DPYD: variants seen among roughly 807,000 people sequenced by gnomAD.
DPYD encodes the protein dihydropyrimidine dehydrogenase [NADP(+)].
A neutral mutation model predicts 116.2 loss-of-function variants in DPYD; 109 were observed. That is an observed-to-expected ratio of 0.94 (90% CI 0.80 to 1.10). The LOEUF is 1.10. DPYD is among the 50% of genes least tolerant of loss of function. DPYD has a pLI of 0.00. For missense variants in DPYD, 1,302 were observed against 1,254.5 expected (o/e 1.04, Z -0.57); for synonymous variants, 440 against 432.0 (o/e 1.02, Z -0.23).
At chr1:97,808,527 A>T (rs1668190360) in intron 3 of DPYD, among the ~76,000 whole-genome samples, 1 of 152,062 alleles carries the variant, frequency 6.6e-6, no homozygotes, top group Non-Finnish European at 1.5e-5. Flanking sequence ...TTTTTTGGTC[A>T]ATTTTTAGGA....
At chr1:97,238,720 G>A (rs565231903) in intron 18 of DPYD, among the ~76,000 whole-genome samples, 2 of 152,312 alleles carry the variant, frequency 1.3e-5, no homozygotes, top group East Asian at 3.9e-4. Context: ...GGAGGAAGAA[G>A]CCAGTGTGAG....
chr1:97,760,546 G>T (rs1025770457), intron 3 of DPYD, among the ~76,000 whole-genome samples: 6 of 152,086 alleles, frequency 3.9e-5, no homozygotes, highest in African/African-American at 1.2e-4. Flanking sequence ...TATACAGGAG[G>T]ATGTGGAAGG....
chr1:97,190,136 A>G (rs570404417), intron 20 of DPYD, among the ~76,000 whole-genome samples: 1 of 152,260 alleles, frequency 6.6e-6, no homozygotes, highest in East Asian at 1.9e-4. Flanking sequence ...GCTGTCCTAC[A>G]TGCAGTTTCT....
chr1:97,183,437 C>CT (rs1307581559), intron 20 of DPYD, among the ~76,000 whole-genome samples: 1 of 152,008 alleles, frequency 6.6e-6, no homozygotes, highest in Non-Finnish European at 1.5e-5. Context: ...TATTTCTGGA[C>CT]TTTCTATCCA....
chr1:97,714,025 T>C (rs183534121), intron 5 of DPYD, among the ~76,000 whole-genome samples: 1 of 152,238 alleles, frequency 6.6e-6, no homozygotes, highest in Admixed American at 6.5e-5. Flanking sequence ...ATCTTAGTTA[T>C]AGATTACAAA....
chr1:97,126,922 C>T (rs370791692), intron 20 of DPYD, among the ~76,000 whole-genome samples: 1 of 152,092 alleles, frequency 6.6e-6, no homozygotes, highest in Non-Finnish European at 1.5e-5. Context: ...CTGGGCAGTC[C>T]TTTATTCATT....
At chr1:97,741,808 T>C (rs1443381423) in intron 3 of DPYD, among the ~76,000 whole-genome samples, 2 of 151,984 alleles carry the variant, frequency 1.3e-5, no homozygotes, top group African/African-American at 2.4e-5. Context: ...GGGTGAAATA[T>C]AGCATGCTAA....
chr1:97,314,980 T>C (rs1466259667), intron 16 of DPYD, among the ~76,000 whole-genome samples: 4 of 151,998 alleles, frequency 2.6e-5, no homozygotes, highest in East Asian at 2.0e-4. Flanking sequence ...ATCAAAGAAA[T>C]GGAAGCAGGG....
chr1:97,835,653 G>A lies in DPYD; in HGVS notation c.151-7457C>T, dbSNP rs111942210. ...AATTTCATATTTAAAATTACAATGC[G>A]TTTGTTTGCATAATGTATGGTTATA... On this transcript the variant is annotated intron_variant, in intron 2 of 22. Transcript: ENST00000370192. Among the ~76,000 whole-genome samples, 1,257 of 152,066 alleles carry A rather than the reference G, an allele frequency of 8.3e-3. 15 individuals carry two copies. The highest frequency in any genetic ancestry group is 0.028 in the African/African-American group (1,178 of 41,524).
At position 97,699,507 on chromosome 1, in the gene DPYD, G is replaced by A. The variant is rs371792178; in HGVS notation, c.524C>T (p.Ser175Leu). The A allele has an allele frequency of 4.2e-5, 67 of 1,613,356 alleles. No homozygotes were observed. Among genetic ancestry groups the A allele is most frequent in the South Asian group, 9.9e-5 (9 of 91,046 alleles). Residue 175 changes from serine (S) to leucine (L), a missense_variant, in exon 6 of 23, where the codon TCG becomes TTG. Ser to Leu is a moderately radical substitution (Grantham distance 145). Coordinates refer to ENST00000370192, the MANE Select transcript of DPYD (RefSeq NM_000110.4). The stretch of plus-strand genomic sequence containing the variant: ...AGACATTTTTTCTGGGGGAGGCAGC[G>A]AAGGATTTCTGATCTGTGGGATACT... ...AMSIPQIRNP[S>L]LPPPEKMSEA...
intron 14 of DPYD, among the ~76,000 whole-genome samples, chr1:97,385,296 AAAAAAAAAAAAAAAAAAAAAAAGAG>A (rs1307665206): frequency 1.2e-5 from 1 of 86,068 alleles, no homozygotes; most frequent in Non-Finnish European, 3.2e-5. Context: ...AAAAAAAAAA[AAAAAAAAAAAAAAAAAAAAAAAGAG>A]AGAGAGAGAT....
chr1:97,344,468 G>A (rs1669738968), intron 16 of DPYD, among the ~76,000 whole-genome samples: 1 of 151,456 alleles, frequency 6.6e-6, no homozygotes, highest in Non-Finnish European at 1.5e-5. Flanking sequence ...TAGTAGTGTT[G>A]GTGTCTATTC....
intron 3 of DPYD, among the ~76,000 whole-genome samples, chr1:97,790,064 C>A (rs139438302): frequency 9.3e-4 from 142 of 152,252 alleles, no homozygotes; most frequent in Middle Eastern, 3.4e-3. Context: ...AGGAACAAGT[C>A]TAATGAGGAG....
intron 15 of DPYD, among the ~76,000 whole-genome samples, chr1:97,376,892 T>TATATATATATATATATATATAC (rs1557668504): frequency 1.7e-4 from 25 of 148,168 alleles, no homozygotes; most frequent in Admixed American, 9.7e-4. Context: ...TGTGTGTATA[T>TATATATATATATATATATATAC]ATATATATAT....
intron 8 of DPYD, among the ~76,000 whole-genome samples, chr1:97,619,686 G>T (rs1387895691): frequency 2.0e-5 from 3 of 152,148 alleles, no homozygotes; most frequent in Admixed American, 2.0e-4. Flanking sequence ...AAAAATGTTA[G>T]TTTTTTCCTT....
chr1:97,730,348 A>G (rs111544567), intron 4 of DPYD, among the ~76,000 whole-genome samples: 9 of 152,258 alleles, frequency 5.9e-5, no homozygotes, highest in African/African-American at 2.2e-4. Context: ...CAGTCTCACA[A>G]GTAGCTGGGA....
intron 12 of DPYD, among the ~76,000 whole-genome samples, chr1:97,538,906 T>C (rs1650214627): frequency 6.6e-6 from 1 of 152,110 alleles, no homozygotes; most frequent in South Asian, 2.1e-4. Flanking sequence ...TTGGAAGAAA[T>C]AATATAGATT....
chr1:97,218,555 C>T (rs1014272073), intron 19 of DPYD, among the ~76,000 whole-genome samples: 1 of 150,452 alleles, frequency 6.6e-6, no homozygotes, highest in East Asian at 1.9e-4. Context: ...CTTTTCTGTT[C>T]TGCCTCAGCC....
intron 3 of DPYD, among the ~76,000 whole-genome samples, chr1:97,742,337 T>C (rs1557925543): frequency 6.6e-6 from 1 of 152,146 alleles, no homozygotes; most frequent in Non-Finnish European, 1.5e-5. Context: ...TCTCAGTGCC[T>C]AATTAATATC....
Sources: gnomAD v4.1 joint callset for allele counts (sites outside exome capture counted in the v4.1 genomes callset) on GRCh38, gnomAD v4.1.1 for gene constraint, MANE v1.5 for transcripts, NCBI Gene and HGNC (gene_info 2026-07-23, HGNC 2026-07-21) for gene names.